The following YPEL2 variants were observed in gnomAD, a reference collection of about 807,000 sequenced individuals.
YPEL2 encodes the protein protein yippee-like 2.
In YPEL2, 2 loss-of-function variants were observed where a neutral mutation model predicts 19.1. The ratio of observed to expected loss-of-function variants is 0.10; its 90% CI spans 0.04 to 0.33. The LOEUF is 0.33. YPEL2 is among the 10% of genes least tolerant of loss of function. The pLI, the probability that YPEL2 is intolerant of heterozygous loss-of-function variation, is 1.00. For synonymous variants in YPEL2, 52 were observed against 50.0 expected, an observed-to-expected ratio of 1.04 and a Z score of -0.17; for missense variants, 66 against 140.7, an observed-to-expected ratio of 0.47 and a Z score of 2.68.
intron 2 of YPEL2, among the ~76,000 whole-genome samples, chr17:59,373,808 A>G (rs1004487883): frequency 4.6e-5 from 7 of 152,236 alleles, no homozygotes; most frequent in African/African-American, 1.7e-4. Context: ...ACAGTAAGTC[A>G]GGCACTTGCG....
chr17:59,377,737 G>A (rs181784141), intron 2 of YPEL2, among the ~76,000 whole-genome samples: 47 of 152,282 alleles, frequency 3.1e-4, no homozygotes, highest in South Asian at 1.2e-3. Context: ...TAGGACAGTT[G>A]GAAGAGGTGT....
At chr17:59,359,199 C>T (rs1292575499) in intron 2 of YPEL2, among the ~76,000 whole-genome samples, 1 of 152,192 alleles carries the variant, frequency 6.6e-6, no homozygotes, top group African/African-American at 2.4e-5. Context: ...GTTGGGATTA[C>T]AGGCGTGACC....
intron 4 of YPEL2, among the ~76,000 whole-genome samples, chr17:59,394,600 C>T (rs1269520118): frequency 6.6e-6 from 1 of 150,816 alleles, no homozygotes; most frequent in Non-Finnish European, 1.5e-5. Context: ...TCCTCACTTT[C>T]CAGACTGGGC....
intron 2 of YPEL2, among the ~76,000 whole-genome samples, chr17:59,379,844 A>G (rs989057934): frequency 1.3e-4 from 7 of 53,852 alleles, no homozygotes; most frequent in African/African-American, 4.5e-4. Context: ...CAGCACATCA[A>G]TAAGTTTGGG....
chr17:59,371,656 C>G (rs962567581), intron 2 of YPEL2, among the ~76,000 whole-genome samples: 1 of 152,062 alleles, frequency 6.6e-6, no homozygotes, highest in South Asian at 2.1e-4. Context: ...AGCCCTGCCG[C>G]GAGACAGGAG....
intron 2 of YPEL2, among the ~76,000 whole-genome samples, chr17:59,381,386 T>A (rs1444137828): frequency 1.3e-5 from 2 of 152,194 alleles, no homozygotes; most frequent in East Asian, 3.8e-4. Context: ...AGAAGGGGGC[T>A]GAAGTTTGAG....
At chr17:59,369,505 C>T (rs1401416956) in intron 2 of YPEL2, among the ~76,000 whole-genome samples, 1 of 152,246 alleles carries the variant, frequency 6.6e-6, no homozygotes, top group African/African-American at 2.4e-5. Flanking sequence ...GAGACACTCA[C>T]TCTCAGAGTT....
At chr17:59,365,067 C>A (rs2047861700) in intron 2 of YPEL2, among the ~76,000 whole-genome samples, 1 of 152,080 alleles carries the variant, frequency 6.6e-6, no homozygotes, top group Non-Finnish European at 1.5e-5. Context: ...GATAAGTGCT[C>A]AATAAATGTT....
intron 1 of YPEL2, among the ~76,000 whole-genome samples, chr17:59,337,262 A>G (rs1179804876): frequency 6.9e-6 from 1 of 145,454 alleles, no homozygotes; most frequent in Non-Finnish European, 1.5e-5. Flanking sequence ...ATCTCGGCTC[A>G]CTGCAAGCTC....
At chr17:59,366,046 T>G (rs902139351) in intron 2 of YPEL2, 1 of 153,004 alleles carries the variant, frequency 6.5e-6, no homozygotes, top group Non-Finnish European at 1.5e-5. Flanking sequence ...GAGCTCCTTT[T>G]CCTTCTTGTT....
intron 1 of YPEL2, among the ~76,000 whole-genome samples, chr17:59,339,558 C>T (rs2047717263): frequency 6.6e-6 from 1 of 152,146 alleles, no homozygotes; most frequent in African/African-American, 2.4e-5. Flanking sequence ...GAGAACTTGA[C>T]GTCTTCATTT....
intron 1 of YPEL2, among the ~76,000 whole-genome samples, chr17:59,332,917 A>G (rs1218365360): frequency 6.6e-6 from 1 of 152,190 alleles, no homozygotes; most frequent in African/African-American, 2.4e-5. Context: ...TCTGAAGGCT[A>G]ACGAGACAGC....
intron 2 of YPEL2, among the ~76,000 whole-genome samples, chr17:59,377,371 G>A (rs995538198): frequency 6.6e-5 from 10 of 152,148 alleles, no homozygotes; most frequent in African/African-American, 1.4e-4. Flanking sequence ...GAACTGCAGA[G>A]GGCCCAGCTC....
At chr17:59,354,947 T>A (rs78511639) in intron 2 of YPEL2, 1 of 149,998 alleles carries the variant, frequency 6.7e-6, no homozygotes, top group Non-Finnish European at 1.5e-5. Flanking sequence ...TTTGCAAAGT[T>A]GTAGGGGAAT....
At chr17:59,375,745 C>T (rs2047917247) in intron 2 of YPEL2, among the ~76,000 whole-genome samples, 3 of 152,132 alleles carry the variant, frequency 2.0e-5, no homozygotes, top group Admixed American at 1.3e-4. Context: ...GAAGGTAAAC[C>T]CACTTGAGCG....
intron 2 of YPEL2, among the ~76,000 whole-genome samples, chr17:59,364,575 A>T (rs2047858521): frequency 6.8e-6 from 1 of 147,764 alleles, no homozygotes; most frequent in Non-Finnish European, 1.5e-5. Context: ...TGGCTTATTC[A>T]TTTAGTAGCT....
chr17:59,388,676 G>A (rs1387449605), intron 3 of YPEL2, among the ~76,000 whole-genome samples: 1 of 152,206 alleles, frequency 6.6e-6, no homozygotes, highest in African/African-American at 2.4e-5. Context: ...TGAGATCTGA[G>A]ATTTGTCACT....
intron 2 of YPEL2, among the ~76,000 whole-genome samples, 166 bp from the exon 3 acceptor site, chr17:59,388,161 T>A: frequency 6.6e-6 from 1 of 152,166 alleles, no homozygotes; most frequent in East Asian, 1.9e-4. Context: ...AATTCCGCCC[T>A]CTTCTCCGCC....
intron 1 of YPEL2, among the ~76,000 whole-genome samples, chr17:59,349,937 G>T (rs2047779723): frequency 6.6e-6 from 1 of 152,210 alleles, no homozygotes; most frequent in Admixed American, 6.5e-5. Flanking sequence ...GGGATTACGG[G>T]CATGAGCCAC....
Sources: allele counts gnomAD v4.1 joint callset (sites outside exome capture counted in the v4.1 genomes callset), GRCh38; gene constraint gnomAD v4.1.1; transcripts MANE v1.5; gene names NCBI Gene and HGNC (gene_info 2026-07-23, HGNC 2026-07-21).